The following PTPRT variants were observed in gnomAD, a reference collection of about 807,000 sequenced individuals.
PTPRT encodes the protein protein tyrosine phosphatase receptor type T.
PTPRT carries 56 observed loss-of-function variants against 176.8 expected under a neutral mutation model. That is an observed-to-expected ratio of 0.32 (90% CI 0.26 to 0.40). PTPRT has a LOEUF of 0.40. PTPRT is among the 10% of genes least tolerant of loss of function. The pLI, the probability that PTPRT is intolerant of heterozygous loss-of-function variation, is 1.00. For missense variants in PTPRT, 1,540 were observed against 1,908.2 expected (o/e 0.81, Z 3.60); for synonymous variants, 783 against 739.0 (o/e 1.06, Z -0.96).
chr20:42,516,143 C>A (rs1163098616), intron 7 of PTPRT, among the ~76,000 whole-genome samples: 4 of 149,148 alleles, frequency 2.7e-5, no homozygotes, highest in Admixed American at 2.7e-4. Context: ...TTGGGAGATA[C>A]ACCTAAGGCT....
At chr20:42,241,179 G>T (rs778939618) in intron 14 of PTPRT, among the ~76,000 whole-genome samples, 3 of 152,140 alleles carry the variant, frequency 2.0e-5, no homozygotes, top group Non-Finnish European at 2.9e-5. Flanking sequence ...ATGATAAATT[G>T]TATGATAAGG....
intron 7 of PTPRT, among the ~76,000 whole-genome samples, chr20:42,620,819 C>T (rs866786834): frequency 1.3e-5 from 2 of 152,154 alleles, no homozygotes; most frequent in African/African-American, 2.4e-5. Flanking sequence ...TGCGCGCACC[C>T]ACTGGCCTGC....
chr20:43,090,421 C>T (rs1311319998), intron 1 of PTPRT, among the ~76,000 whole-genome samples: 1 of 152,090 alleles, frequency 6.6e-6, no homozygotes, highest in African/African-American at 2.4e-5. Context: ...GCGCCCGCCA[C>T]CACGCCTGGC....
At chr20:43,055,863 A>G (rs1407834737) in intron 1 of PTPRT, among the ~76,000 whole-genome samples, 4 of 152,166 alleles carry the variant, frequency 2.6e-5, no homozygotes, top group South Asian at 4.1e-4. Flanking sequence ...TTAAAAATGA[A>G]TGGGTAACAG....
chr20:42,216,692 T>A (rs1174300889), intron 15 of PTPRT, among the ~76,000 whole-genome samples: 1 of 152,242 alleles, frequency 6.6e-6, no homozygotes, highest in African/African-American at 2.4e-5. Context: ...ACACTTTCCA[T>A]TCCTTTATTG....
At chr20:42,518,545 C>A (rs1377714994) in intron 7 of PTPRT, among the ~76,000 whole-genome samples, 2 of 151,986 alleles carry the variant, frequency 1.3e-5, no homozygotes, top group Admixed American at 1.3e-4. Flanking sequence ...TTTTTAAATG[C>A]ATTAGAATAT....
rs150708318 is a variant in PTPRT at position 42,874,060 on chromosome 20, T to C, written c.214+11747A>G. Among the ~76,000 whole-genome samples the C allele has an allele frequency of 4.6e-3, 697 of 152,304 alleles. 6 individuals carry two copies. Among genetic ancestry groups the C allele is most frequent in the African/African-American group, 0.016 (665 of 41,574 alleles). On this transcript the variant is annotated intron_variant, in intron 2 of 30. Coordinates refer to ENST00000373187, the MANE Select transcript of PTPRT (RefSeq NM_007050.6). ...GTTCACTTGCAGGAGCTCTAGCCCC[T>C]GCAGCAGCCCAATCGGTTGAATGGT...
At chr20:42,744,482 C>T (rs1202276004) in intron 6 of PTPRT, among the ~76,000 whole-genome samples, 1 of 152,190 alleles carries the variant, frequency 6.6e-6, no homozygotes, top group Non-Finnish European at 1.5e-5. Context: ...AAGGAAGAAA[C>T]ATCTTCCCAT....
rs2145551275 is a variant in PTPRT, at chr20:42,791,458, T to C, written c.223A>G (p.Met75Val). The C allele has an allele frequency of 1.2e-6, 2 of 1,610,266 alleles. No individual in the cohort carries two copies. The highest frequency in any genetic ancestry group is 1.1e-5 in the South Asian group (1 of 90,478). ...LDQAVPTGSF[M>V]MVNSSGRASG... ...GCTCTCCCAGAGCTGTTCACCATCA[T>C]GAAAGATCCTGGAGACCCACAAAGC... Residue 75 changes from methionine (M) to valine (V), a missense_variant, in exon 3 of 31, where the codon ATG becomes GTG. Met to Val is a conservative substitution (Grantham distance 21). Transcript: ENST00000373187.
intron 9 of PTPRT, among the ~76,000 whole-genome samples, chr20:42,376,826 G>C (rs1244149734): frequency 6.6e-6 from 1 of 152,156 alleles, no homozygotes; most frequent in Non-Finnish European, 1.5e-5. Context: ...CTATAGTGGG[G>C]GAGATGAGCA....
chr20:42,408,467 A>G lies in PTPRT; in HGVS notation c.1560+39753T>C, dbSNP rs953647344. ...AAGGTGATGTTTTCTTGATAAAATTAAGAAAAAGTAAGTATTCTGCTGGCA... is the reference window on the plus strand; with the variant it reads ...AAGGTGATGTTTTCTTGATAAAATTGAGAAAAAGTAAGTATTCTGCTGGCA... On this transcript the variant is annotated intron_variant, in intron 9 of 30. Coordinates refer to ENST00000373187, the MANE Select transcript of PTPRT (RefSeq NM_007050.6). 6.6e-5 allele frequency among the ~76,000 whole-genome samples: 10 copies of G among 152,250 alleles called. 1 individual carries two copies. The highest frequency in any genetic ancestry group is 4.1e-4 in the South Asian group (2 of 4,826).
At chr20:42,675,678 G>A (rs2075489987) in intron 7 of PTPRT, among the ~76,000 whole-genome samples, 1 of 152,224 alleles carries the variant, frequency 6.6e-6, no homozygotes, top group East Asian at 1.9e-4. Flanking sequence ...TAACTGAGCA[G>A]CACAGTAGAC....
chr20:42,730,814 T>G (rs1303628092), intron 6 of PTPRT, among the ~76,000 whole-genome samples: 1 of 152,136 alleles, frequency 6.6e-6, no homozygotes, highest in Non-Finnish European at 1.5e-5. Context: ...TAACCTCAGT[T>G]TGGGGGCAAT....
intron 6 of PTPRT, among the ~76,000 whole-genome samples, chr20:42,690,826 A>G (rs2075781655): frequency 6.6e-6 from 1 of 152,184 alleles, no homozygotes; most frequent in East Asian, 1.9e-4. Context: ...CTTGTGGCTG[A>G]GTTTCTTCCC....
chr20:42,818,155 G>A (rs1038861264), intron 2 of PTPRT, among the ~76,000 whole-genome samples: 5 of 152,158 alleles, frequency 3.3e-5, no homozygotes, highest in Non-Finnish European at 5.9e-5. Flanking sequence ...AGAGGCCCCA[G>A]AAGAACGAGC....
intron 9 of PTPRT, among the ~76,000 whole-genome samples, chr20:42,380,266 C>A (rs1274276035): frequency 6.6e-6 from 1 of 152,202 alleles, no homozygotes; most frequent in Non-Finnish European, 1.5e-5. Context: ...ATCACGCTGC[C>A]ACCTTCTCCA....
chr20:42,333,124 T>C (rs2057991418), intron 11 of PTPRT, among the ~76,000 whole-genome samples: 1 of 152,144 alleles, frequency 6.6e-6, no homozygotes, highest in Admixed American at 6.5e-5. Flanking sequence ...TCCTTTTTTT[T>C]CCCAATTATG....
intron 2 of PTPRT, among the ~76,000 whole-genome samples, chr20:42,884,794 T>C (rs1396397860): frequency 2.0e-5 from 3 of 152,168 alleles, no homozygotes; most frequent in African/African-American, 7.2e-5. Flanking sequence ...ATGGCCTCCC[T>C]TCTCCAACAA....
intron 11 of PTPRT, among the ~76,000 whole-genome samples, chr20:42,323,211 AG>A (rs1364333166): frequency 1.3e-5 from 2 of 151,746 alleles, no homozygotes; most frequent in East Asian, 3.9e-4. Context: ...GCGATTCCTC[AG>A]GGATCTAGAA....
Sources: gnomAD v4.1 joint callset for allele counts (sites outside exome capture counted in the v4.1 genomes callset) on GRCh38, gnomAD v4.1.1 for gene constraint, MANE v1.5 for transcripts, NCBI Gene and HGNC (gene_info 2026-07-23, HGNC 2026-07-21) for gene names.